TPCN1: variants seen among roughly 807,000 people sequenced by gnomAD.
TPCN1 encodes the protein two pore segment channel 1.
TPCN1 carries 52 observed loss-of-function variants against 108.8 expected under a neutral mutation model. The observed-to-expected ratio is 0.48, with a 90% CI of 0.38 to 0.60. TPCN1 has a LOEUF of 0.60. TPCN1 is among the 20% of genes least tolerant of loss of function. The pLI, the probability that TPCN1 is intolerant of heterozygous loss-of-function variation, is 0.00. For missense variants in TPCN1, 806 were observed against 1,072.8 expected, an observed-to-expected ratio of 0.75 and a Z score of 3.47; for synonymous variants, 446 against 433.7, an observed-to-expected ratio of 1.03 and a Z score of -0.35.
At position 113,226,761 on chromosome 12, in the gene TPCN1, A is replaced by C. The variant is rs1425980054; in HGVS notation, c.-92A>C. On this transcript the variant is annotated 5_prime_UTR_variant, in exon 2 of 28. Transcript: ENST00000335509. Reference sequence around the variant, plus strand: ...TCTAATGGAGGAGTTTCTGAGCAGCACCCCTGGCCCAGTGGCTTTGAAAGG... The same window carrying C: ...TCTAATGGAGGAGTTTCTGAGCAGCCCCCCTGGCCCAGTGGCTTTGAAAGG... 1 of 1,589,328 alleles carries C rather than the reference A, an allele frequency of 6.3e-7. No individual in the cohort carries two copies. Among genetic ancestry groups the C allele is most frequent in the African/African-American group, 1.3e-5 (1 of 74,438 alleles).
chr12:113,291,615 G>T lies in TPCN1; in HGVS notation c.1966G>T (p.Val656Phe). ...VNNWYIIMEG[V>F]TSQTSHWSRL... ...TGCTTCCCTTGGTCTCCAGGAAGGC[G>T]TCACCTCTCAGACCTCCCACTGGAG... Residue 656 changes from valine (V) to phenylalanine (F), a missense_variant, in exon 24 of 28, where the codon GTC becomes TTC. Transcript: ENST00000335509. The T allele has an allele frequency of 6.2e-7, 1 of 1,612,494 alleles. No homozygotes were observed. The highest frequency in any genetic ancestry group is 8.5e-7 in the Non-Finnish European group (1 of 1,179,492).
At chr12:113,241,759 T>TGC (rs918276182) in intron 2 of TPCN1, among the ~76,000 whole-genome samples, 13 of 119,450 alleles carry the variant, frequency 1.1e-4, no homozygotes, top group Non-Finnish European at 1.5e-4. Flanking sequence ...TGCGTGCCTC[T>TGC]GCGTGTGTGT....
intron 2 of TPCN1, among the ~76,000 whole-genome samples, chr12:113,239,339 TG>T (rs1209435616): frequency 6.6e-6 from 1 of 152,152 alleles, no homozygotes; most frequent in Non-Finnish European, 1.5e-5. Flanking sequence ...TTGAGATGAC[TG>T]GGCAGGGCAG....
At chr12:113,278,630 G>T in intron 13 of TPCN1, 142 bp from the exon 14 acceptor site, 1 of 662,484 alleles carries the variant, frequency 1.5e-6, no homozygotes. Context: ...CTGGCTGGCT[G>T]TGTTGTCATG....
At chr12:113,262,766 T>G (rs1386798527) in intron 3 of TPCN1, among the ~76,000 whole-genome samples, 1 of 152,192 alleles carries the variant, frequency 6.6e-6, no homozygotes, top group Non-Finnish European at 1.5e-5. Flanking sequence ...CACCTGCTAA[T>G]CTTTGTAACA....
At chr12:113,276,887 C>A in intron 10 of TPCN1, 32 bp from the exon 11 acceptor site, 1 of 1,510,964 alleles carries the variant, frequency 6.6e-7, no homozygotes, top group South Asian at 1.1e-5. Context: ...ACTCAAGGTC[C>A]TGAGCTAGGG....
intron 27 of TPCN1, among the ~76,000 whole-genome samples, chr12:113,293,563 C>T (rs1956337501): frequency 6.6e-6 from 1 of 152,212 alleles, no homozygotes; most frequent in Non-Finnish European, 1.5e-5. Context: ...GCTCTCCAGC[C>T]TGCCTGCCGC....
At chr12:113,279,181 A>G (rs1270430848) in intron 14 of TPCN1, among the ~76,000 whole-genome samples, 1 of 151,418 alleles carries the variant, frequency 6.6e-6, no homozygotes, top group Non-Finnish European at 1.5e-5. Context: ...CCAGATAACC[A>G]CTGTTAGTTC....
rs1259471914 is a variant in TPCN1 at position 113,232,495 on chromosome 12, A to G, written c.112+5531A>G. Among the ~76,000 whole-genome samples the G allele has an allele frequency of 6.6e-6, 1 of 152,238 alleles. No individual in the cohort carries two copies. The highest frequency in any genetic ancestry group is 1.5e-5 in the Non-Finnish European group (1 of 68,036). ...GAATACACCCCGAGGTGTGCGCTCCATCACTGATGTCTGTGCCGTGGCTCT... is the reference window on the plus strand; with the variant it reads ...GAATACACCCCGAGGTGTGCGCTCCGTCACTGATGTCTGTGCCGTGGCTCT... On this transcript the variant is annotated intron_variant, in intron 2 of 27. Coordinates refer to ENST00000335509, the MANE Select transcript of TPCN1 (RefSeq NM_017901.6). This position sits in a 1 kb window ranked among gnomAD's most constrained non-coding sequence, Gnocchi z 5.6.
chr12:113,284,745 C>T lies in TPCN1; in HGVS notation c.1427C>T (p.Pro476Leu). 1.2e-6 allele frequency: 2 copies of T among 1,614,204 alleles called. No homozygotes were observed. The highest frequency in any genetic ancestry group is 1.7e-6 in the Non-Finnish European group (2 of 1,180,048). ...GGGAACTTCTTCTCCAAGCACGTGC[C>T]CTGGAGTTACCTCGTCTTTCTAACT... ...KGGNFFSKHVPWSYLVFLTIY... is the reference protein window; with the variant it reads ...KGGNFFSKHVLWSYLVFLTIY... Residue 476 changes from proline to leucine, a missense_variant, in exon 17 of 28, where the codon CCC becomes CTC. By Grantham distance (98) the Pro-to-Leu change is moderately conservative (BLOSUM62 -3). Coordinates refer to ENST00000335509, the MANE Select transcript of TPCN1 (RefSeq NM_017901.6). The surrounding 1 kb of genome is among the most constrained non-coding windows in gnomAD (Gnocchi z 4.1).
Position 113,288,708 on chromosome 12 carries a change from G to A in TPCN1, c.1707-50G>A. The A allele has an allele frequency of 1.2e-6, 2 of 1,603,812 alleles. No homozygotes were observed. The highest frequency in any genetic ancestry group is 1.7e-6 in the Non-Finnish European group (2 of 1,178,322). On this transcript the variant is annotated intron_variant, in intron 20 of 27. Coordinates refer to ENST00000335509, the MANE Select transcript of TPCN1 (RefSeq NM_017901.6). This position sits in a 1 kb window ranked among gnomAD's most constrained non-coding sequence, Gnocchi z 4.8. The stretch of plus-strand genomic sequence containing the variant: ...CCGAGGAGGCCGGGGCTGCAGAGGA[G>A]CCGTTCCCTCCTGCCGGCCCCGCGT...
At chr12:113,286,794 G>A (rs978347708) in intron 18 of TPCN1, among the ~76,000 whole-genome samples, 193 bp from the exon 19 acceptor site, 5 of 152,180 alleles carry the variant, frequency 3.3e-5, no homozygotes, top group Non-Finnish European at 5.9e-5. Flanking sequence ...CCCGTGAGAC[G>A]CATGCTGGGA....
intron 2 of TPCN1, among the ~76,000 whole-genome samples, chr12:113,243,400 T>C (rs145231547): frequency 2.0e-5 from 3 of 151,922 alleles, no homozygotes; most frequent in African/African-American, 7.3e-5. Context: ...TCCTCCCTTT[T>C]TCTCCCCAAA....
rs942290179 is a variant in TPCN1 at position 113,297,878 on chromosome 12, G to C, written c.*1802G>C. ...GTTGAAATGGGCGTTTTGGAAGCAA[G>C]GGTCAGGGGACAGCTTCTAAAGGTG... On this transcript the variant is annotated 3_prime_UTR_variant, in exon 28 of 28. Coordinates refer to ENST00000335509, the MANE Select transcript of TPCN1 (RefSeq NM_017901.6). This position sits in a 1 kb window ranked among gnomAD's most constrained non-coding sequence, Gnocchi z 4.4. The C allele has an allele frequency of 6.6e-6, 1 of 152,266 alleles. No homozygotes were observed. The highest frequency in any genetic ancestry group is 1.5e-5 in the Non-Finnish European group (1 of 68,082). 9.4% of individuals were successfully genotyped at this position (152,266 alleles called of 1,614,324 possible). A position where few individuals can be genotyped will look rare whatever the true frequency, so the allele number is the denominator to read the frequency against.
At chr12:113,261,710 T>C (rs549305763) in intron 3 of TPCN1, among the ~76,000 whole-genome samples, 2 of 152,328 alleles carry the variant, frequency 1.3e-5, no homozygotes, top group African/African-American at 4.8e-5. Context: ...GTTACAGGCA[T>C]GAGCCACCAC....
In TPCN1 at chr12:113,266,675, C is replaced by CT. The variant is rs745816304; in HGVS notation, c.414+320dup. 3.2e-4 allele frequency among the ~76,000 whole-genome samples: 48 copies of CT among 152,228 alleles called. No individual in the cohort carries two copies. Among genetic ancestry groups the CT allele is most frequent in the Non-Finnish European group, 3.5e-4 (24 of 68,034 alleles). The stretch of plus-strand genomic sequence containing the variant: ...GCACCCAGTGGACAGTCCCACTACT[C>CT]TGTCTCCAGCCTCAAAGGAGAAGGC... On this transcript the variant is annotated intron_variant, in intron 4 of 27. Transcript: ENST00000335509. This position sits in a 1 kb window ranked among gnomAD's most constrained non-coding sequence, Gnocchi z 4.2.
intron 2 of TPCN1, among the ~76,000 whole-genome samples, chr12:113,229,639 C>G (rs560361143): frequency 1.3e-5 from 2 of 152,330 alleles, no homozygotes; most frequent in Non-Finnish European, 2.9e-5. Context: ...CAGGCGTGAG[C>G]CACTACACCC....
In TPCN1 at chr12:113,277,342, C is replaced by A. The variant is rs770801199; in HGVS notation, c.1162C>A (p.Gln388Lys). 6.2e-7 allele frequency: 1 copy of A among 1,614,186 alleles called. No individual in the cohort carries two copies. Among genetic ancestry groups the A allele is most frequent in the Non-Finnish European group, 8.5e-7 (1 of 1,180,024 alleles). The change falls in exon 12 of 28, where the codon CAG becomes AAG. Residue 388 changes from glutamine (Q) to lysine (K), a missense_variant. Gln to Lys is a moderately conservative substitution (Grantham distance 53, BLOSUM62 1). Coordinates refer to ENST00000335509, the MANE Select transcript of TPCN1 (RefSeq NM_017901.6). ...ERYLTFKALN[Q>K]NNTPLLSLKD... ...CTATCTTACCTTCAAGGCCCTGAAT[C>A]AGAACAACACACCCCTGCTCAGGTA...
rs116942390 is a variant in TPCN1, at chr12:113,287,376, G to A, written c.1634+282G>A. 3.2e-3 allele frequency: 1,382 copies of A among 429,556 alleles called. 5 individuals carry two copies. The highest frequency in any genetic ancestry group is 5.9e-3 in the South Asian group (164 of 27,974). 26.6% of individuals were successfully genotyped at this position (429,556 alleles called of 1,614,324 possible). A position where few individuals can be genotyped will look rare whatever the true frequency, so the allele number is the denominator to read the frequency against. ...AGGTGGCATTGCACCAGCGACAGGAGCCCATATGCTCAAGTCACAGATCAC... is the reference window on the plus strand; with the variant it reads ...AGGTGGCATTGCACCAGCGACAGGAACCCATATGCTCAAGTCACAGATCAC... On this transcript the variant is annotated intron_variant, in intron 19 of 27. Coordinates refer to ENST00000335509, the MANE Select transcript of TPCN1 (RefSeq NM_017901.6).
Sources: allele counts gnomAD v4.1 joint callset (sites outside exome capture counted in the v4.1 genomes callset), GRCh38; gene constraint gnomAD v4.1.1; non-coding constraint Gnocchi (gnomAD v3.1); transcripts MANE v1.5; gene names NCBI Gene and HGNC (gene_info 2026-07-23, HGNC 2026-07-21).